MLYCD: variants seen among roughly 807,000 people sequenced by gnomAD.
The protein encoded by MLYCD is malonyl-CoA decarboxylase, mitochondrial.
MLYCD carries 27 observed loss-of-function variants against 35.8 expected under a neutral mutation model. That is an observed-to-expected ratio of 0.75 (90% CI 0.56 to 1.04). The LOEUF is 1.04. Ranked by LOEUF, MLYCD falls within the 50% of genes least tolerant of loss-of-function variation. The pLI is 0.00. For synonymous variants in MLYCD, 403 were observed against 302.4 expected (o/e 1.33, Z -3.45); for missense variants, 917 against 665.1 (o/e 1.38, Z -4.17).
rs2151060059 is a variant in MLYCD at position 83,915,180 on chromosome 16, G to A, written c.1173G>A (p.Val391=). The part of the protein sequence containing the change: ...SSEWVQSEKL[V]RALQTPLMRL... Reference sequence around the variant, plus strand: ...AGTGGGTGCAGTCGGAGAAGCTGGTGCGGGCGCTGCAGACTCCGCTGATGA... The same window carrying A: ...AGTGGGTGCAGTCGGAGAAGCTGGTACGGGCGCTGCAGACTCCGCTGATGA... The change falls in exon 5 of 5, where the codon GTG becomes GTA. Residue 391 remains valine, a synonymous_variant. Coordinates refer to ENST00000262430, the MANE Select transcript of MLYCD (RefSeq NM_012213.3). 1.2e-6 allele frequency: 2 copies of A among 1,614,126 alleles called. No individual in the cohort carries two copies. The highest frequency in any genetic ancestry group is 1.7e-4 in the Middle Eastern group (1 of 6,050).
At position 83,916,593 on chromosome 16, in the gene MLYCD, T is replaced by A. The variant is rs1907400633; in HGVS notation, c.*1104T>A. The A allele has an allele frequency of 6.8e-6, 1 of 146,804 alleles. No homozygotes were observed. Among genetic ancestry groups the A allele is most frequent in the South Asian group, 2.2e-4 (1 of 4,564 alleles). 9.1% of individuals were successfully genotyped at this position (146,804 alleles called of 1,614,324 possible). ...GTCTCTGTGTGGATCAGTGCACGTC[T>A]GTGTGCGTGTGCACGAGCGTCTCTG... is the stretch of plus-strand genomic sequence containing the variant. On this transcript the variant is annotated 3_prime_UTR_variant, in exon 5 of 5. Transcript: ENST00000262430.
rs1907800704 is a variant in MLYCD at position 83,926,189 on chromosome 16, T to A, written c.*10700T>A. ...CCCCAAGGAGCCCTGCCGCTGGGGG[T>A]GCTGTGTGGGAACAGAGCACAGGCC... On this transcript the variant is annotated 3_prime_UTR_variant, in exon 5 of 5. Transcript: ENST00000262430. 1 of 152,038 alleles carries A rather than the reference T, an allele frequency of 6.6e-6. No homozygotes were observed. The highest frequency in any genetic ancestry group is 2.4e-5 in the African/African-American group (1 of 41,362). 9.4% of individuals were successfully genotyped at this position (152,038 alleles called of 1,614,324 possible).
intron 4 of MLYCD, chr16:83,912,570 G>C (rs1012755765): frequency 9.0e-6 from 6 of 666,576 alleles, no homozygotes; most frequent in East Asian, 8.6e-5. Context: ...GATGCTGAGA[G>C]AGGCCTCCAA....
Position 83,915,221 on chromosome 16 carries a change from A to T in MLYCD, c.1214A>T (p.Tyr405Phe), listed in dbSNP as rs748231506. The T allele has an allele frequency of 1.2e-6, 2 of 1,613,882 alleles. No individual in the cohort carries two copies. The highest frequency in any genetic ancestry group is 1.7e-6 in the Non-Finnish European group (2 of 1,179,790). The stretch of plus-strand genomic sequence containing the variant: ...CCGCTGATGAGGCTGTGCGCCTGGT[A>T]CCTGTATGGAGAGAAGCACCGCGGC... ...QTPLMRLCAWYLYGEKHRGYA... is the reference protein window; with the variant it reads ...QTPLMRLCAWFLYGEKHRGYA... The change falls in exon 5 of 5, where the codon TAC becomes TTC. Residue 405 changes from tyrosine (Y) to phenylalanine (F), a missense_variant. Transcript: ENST00000262430.
At position 83,910,211 on chromosome 16, in the gene MLYCD, G is replaced by T. The variant is rs762029641; in HGVS notation, c.798+1929G>T. On this transcript the variant is annotated intron_variant, in intron 3 of 4. Coordinates refer to ENST00000262430, the MANE Select transcript of MLYCD (RefSeq NM_012213.3). ...AATTGGTTATTTTTTTTTATGCATG[G>T]TTTTTTTTTTTTGCCTCTTTTTGTT... is the stretch of plus-strand genomic sequence containing the variant. Among the ~76,000 whole-genome samples the T allele has an allele frequency of 7.9e-4, 111 of 141,192 alleles. 1 individual carries two copies. The highest frequency in any genetic ancestry group is 4.1e-4 in the East Asian group (2 of 4,856). The allele number at this position is 141,192 out of a possible 152,430, so 92.6% of individuals were successfully genotyped here.
At position 83,915,069 on chromosome 16, in the gene MLYCD, C is replaced by T. The variant is rs757083879; in HGVS notation, c.1062C>T (p.Leu354=). 10 of 1,614,132 alleles carry T rather than the reference C, an allele frequency of 6.2e-6. No homozygotes were observed. Among genetic ancestry groups the T allele is most frequent in the Admixed American group, 1.7e-5 (1 of 60,006 alleles). Residue 354 remains leucine, a synonymous_variant, in exon 5 of 5, where the codon CTC becomes CTT. Coordinates refer to ENST00000262430, the MANE Select transcript of MLYCD (RefSeq NM_012213.3). ...CGAAGGAGCATGGGAGGAATGAACTCTTTACAGATTCGGAATGTAAGGAAA... is the reference window on the plus strand; with the variant it reads ...CGAAGGAGCATGGGAGGAATGAACTTTTTACAGATTCGGAATGTAAGGAAA... ...SQTKEHGRNE[L]FTDSECKEIS...
chr16:83,906,960 G>C (rs772118123), intron 1 of MLYCD, 27 bp from the exon 2 acceptor site: 9 of 1,590,394 alleles, frequency 5.7e-6, no homozygotes, highest in Middle Eastern at 3.3e-4. Context: ...CACATTGGAG[G>C]CCTGGGATTT....
chr16:83,900,520 A>G (rs139475717), intron 1 of MLYCD, among the ~76,000 whole-genome samples: 1,903 of 151,464 alleles, frequency 0.013, 38 homozygotes, highest in African/African-American at 0.04. Flanking sequence ...GGCTCAAGCA[A>G]TCTTCCCACC....
chr16:83,922,211 T>G lies in MLYCD; in HGVS notation c.*6722T>G, dbSNP rs141678078. The stretch of plus-strand genomic sequence containing the variant: ...TCTCAGTCTGAGGCCCGACCTGTGC[T>G]TCCGGAGCCCGCGTCCCGTCCCATC... On this transcript the variant is annotated 3_prime_UTR_variant, in exon 5 of 5. Coordinates refer to ENST00000262430, the MANE Select transcript of MLYCD (RefSeq NM_012213.3). The G allele has an allele frequency of 6.6e-6, 1 of 151,920 alleles. No individual in the cohort carries two copies. Among genetic ancestry groups the G allele is most frequent in the African/African-American group, 2.4e-5 (1 of 41,390 alleles). The allele number at this position is 151,920 out of a possible 1,614,324, so 9.4% of individuals were successfully genotyped here.
chr16:83,915,295 C>T lies in MLYCD; in HGVS notation c.1288C>T (p.Leu430=). 1 of 1,613,728 alleles carries T rather than the reference C, an allele frequency of 6.2e-7. No individual in the cohort carries two copies. The highest frequency in any genetic ancestry group is 8.5e-7 in the Non-Finnish European group (1 of 1,179,696). The change falls in exon 5 of 5, where the codon CTG becomes TTG. Residue 430 remains leucine, a synonymous_variant. Coordinates refer to ENST00000262430, the MANE Select transcript of MLYCD (RefSeq NM_012213.3). The part of the protein sequence containing the change: ...ANFHLQNGAV[L]WRINWMADVS... Reference sequence around the variant, plus strand: ...CTTCCACCTGCAGAACGGGGCGGTGCTGTGGCGCATCAACTGGATGGCGGA... The same window carrying T: ...CTTCCACCTGCAGAACGGGGCGGTGTTGTGGCGCATCAACTGGATGGCGGA...
intron 1 of MLYCD, among the ~76,000 whole-genome samples, chr16:83,904,433 G>A (rs1355929629): frequency 6.6e-6 from 1 of 152,172 alleles, no homozygotes; most frequent in African/African-American, 2.4e-5. Flanking sequence ...ATTAAGAATT[G>A]CTATAGTCAA....
rs1443165612 is a variant in MLYCD, at chr16:83,899,284, C to T, written c.140C>T (p.Ala47Val). 3 of 1,472,966 alleles carry T rather than the reference C, an allele frequency of 2.0e-6. No individual in the cohort carries two copies. The highest frequency in any genetic ancestry group is 1.3e-5 in the South Asian group (1 of 78,128). The allele number at this position is 1,472,966 out of a possible 1,614,324, so 91.2% of individuals were successfully genotyped here. ...GCCATGGACGAGCTGCTGCGCCGCG[C>T]GGTGCCGCCGACGCCGGCCTACGAG... Reference protein sequence around the residue: ...ERAMDELLRRAVPPTPAYELR... With the variant: ...ERAMDELLRRVVPPTPAYELR... The change falls in exon 1 of 5, where the codon GCG becomes GTG. Residue 47 changes from alanine to valine, a missense_variant. Coordinates refer to ENST00000262430, the MANE Select transcript of MLYCD (RefSeq NM_012213.3).
In MLYCD at chr16:83,911,781, G is replaced by T. The variant is rs1240576386; in HGVS notation, c.799-437G>T. The T allele has an allele frequency of 1.3e-5, 3 of 222,604 alleles. No homozygotes were observed. In the East Asian group the frequency reaches 3.3e-4, roughly 25 times the overall value. The allele number at this position is 222,604 out of a possible 1,614,324, so 13.8% of individuals were successfully genotyped here. On this transcript the variant is annotated intron_variant, in intron 3 of 4. Coordinates refer to ENST00000262430, the MANE Select transcript of MLYCD (RefSeq NM_012213.3). ...TGAAAAACCTAGGGTTCAGAGAAAAGGAGGAAAAACAATTCAGTGGTGGGA... is the reference window on the plus strand; with the variant it reads ...TGAAAAACCTAGGGTTCAGAGAAAATGAGGAAAAACAATTCAGTGGTGGGA...
rs986430025 is a variant in MLYCD at position 83,909,380 on chromosome 16, G to A, written c.798+1098G>A. On this transcript the variant is annotated intron_variant, in intron 3 of 4. Coordinates refer to ENST00000262430, the MANE Select transcript of MLYCD (RefSeq NM_012213.3). ...GGAGGGCGCTGTAGACACATGGCGC[G>A]GCCTCGTGTACATCAGATATCTGTG... is the stretch of plus-strand genomic sequence containing the variant. Among the ~76,000 whole-genome samples, 11 of 152,192 alleles carry A rather than the reference G, an allele frequency of 7.2e-5. No homozygotes were observed. In the East Asian group the frequency reaches 1.2e-3, roughly 16 times the overall value.
intron 4 of MLYCD, 118 bp from the exon 5 acceptor site, chr16:83,914,836 ACT>A (rs1907312992): frequency 2.9e-6 from 4 of 1,394,750 alleles, no homozygotes; most frequent in African/African-American, 1.4e-5. Context: ...ATCAGATGTC[ACT>A]CTGACCGCTA....
chr16:83,910,733 G>A (rs1907146376), intron 3 of MLYCD, among the ~76,000 whole-genome samples: 1 of 151,630 alleles, frequency 6.6e-6, no homozygotes, highest in Non-Finnish European at 1.5e-5. Context: ...TGGGAGTGAT[G>A]TGAAGTGAGC....
intron 1 of MLYCD, among the ~76,000 whole-genome samples, chr16:83,902,686 A>G (rs965512231): frequency 6.6e-6 from 1 of 151,484 alleles, no homozygotes; most frequent in African/African-American, 2.4e-5. Context: ...TTGTATTTTT[A>G]GGAGAGATGG....
rs779605392 is a variant in MLYCD at position 83,899,554 on chromosome 16, A to G, written c.410A>G (p.Tyr137Cys). The G allele has an allele frequency of 1.4e-5, 23 of 1,592,800 alleles. No homozygotes were observed. Among genetic ancestry groups the G allele is most frequent in the African/African-American group, 4.0e-5 (3 of 74,274 alleles). ...CTGCGCTACGCGCTGGTGCCGCGCT[A>G]TCGCGGCCTCTTCCACCACATCAGC... is the stretch of plus-strand genomic sequence containing the variant. The part of the protein sequence containing the change: ...DRLRYALVPR[Y>C]RGLFHHISKL... Residue 137 changes from tyrosine to cysteine, a missense_variant, in exon 1 of 5, where the codon TAT becomes TGT. By Grantham distance (194) the Tyr-to-Cys change is radical. Coordinates refer to ENST00000262430, the MANE Select transcript of MLYCD (RefSeq NM_012213.3).
rs1332920656 is a variant in MLYCD at position 83,920,923 on chromosome 16, TGGATG to T, written c.*5436_*5440del. On this transcript the variant is annotated 3_prime_UTR_variant, in exon 5 of 5. Transcript: ENST00000262430. ...GAAGATGGATGGATGGATGGATGGATGGATGGATGGATGGATGGATGACAGATGGA... is the reference window on the plus strand; with the variant it reads ...GAAGATGGATGGATGGATGGATGGATGATGGATGGATGGATGACAGATGGA... 3.0e-4 allele frequency: 45 copies of T among 148,618 alleles called. No individual in the cohort carries two copies. The highest frequency in any genetic ancestry group is 1.0e-3 in the African/African-American group (41 of 40,182). The allele number at this position is 148,618 out of a possible 1,614,324, so 9.2% of individuals were successfully genotyped here. A position where few individuals can be genotyped will look rare whatever the true frequency, so the allele number is the denominator to read the frequency against.
Sources: allele counts gnomAD v4.1 joint callset (sites outside exome capture counted in the v4.1 genomes callset), GRCh38; gene constraint gnomAD v4.1.1; transcripts MANE v1.5; gene names NCBI Gene and HGNC (gene_info 2026-07-23, HGNC 2026-07-21).